PALLD: variants seen among roughly 807,000 people sequenced by gnomAD.
PALLD encodes palladin, cytoskeletal associated protein, also known as palladin.
Under a neutral mutation model 123.5 loss-of-function variants are expected in PALLD, and 61 were observed. The ratio of observed to expected loss-of-function variants is 0.49; its 90% CI spans 0.40 to 0.61. The LOEUF (loss-of-function observed/expected upper bound fraction) is 0.61. PALLD is among the 20% of genes least tolerant of loss of function. PALLD has a pLI of 0.00. For synonymous variants in PALLD, 465 were observed against 496.4 expected (o/e 0.94, Z 0.84); for missense variants, 1,273 against 1,377.0 (o/e 0.92, Z 1.20).
At chr4:168,706,136 A>G (rs983629049) in intron 8 of PALLD, among the ~76,000 whole-genome samples, 2 of 152,160 alleles carry the variant, frequency 1.3e-5, no homozygotes, top group African/African-American at 4.8e-5. Context: ...GAGTGAAACT[A>G]TGCCCACTGA....
intron 10 of PALLD, chr4:168,832,247 C>A: frequency 1.0e-6 from 1 of 956,150 alleles, no homozygotes; most frequent in African/African-American, 1.8e-5. Context: ...GCAGGGTGGG[C>A]CGCGAGTCGG....
chr4:168,556,320 C>T (rs1767299759), intron 2 of PALLD, among the ~76,000 whole-genome samples: 1 of 152,098 alleles, frequency 6.6e-6, no homozygotes. Context: ...TGCTCTCGAT[C>T]TCCTGACCTC....
rs540460793 is a variant in PALLD, at chr4:168,928,028, G to A, written c.*1848G>A. On this transcript the variant is annotated 3_prime_UTR_variant, in exon 22 of 22. Coordinates refer to ENST00000505667, the MANE Select transcript of PALLD (RefSeq NM_001166108.2). ...TATATTTCATATTACTGTTTCACAT[G>A]TACAGCTTTCTACTTCTTTGTAAGA... 16 of 195,476 alleles carry A rather than the reference G, an allele frequency of 8.2e-5. No individual in the cohort carries two copies. The highest frequency in any genetic ancestry group is 5.8e-4 in the South Asian group (3 of 5,174). 12.1% of individuals were successfully genotyped at this position (195,476 alleles called of 1,614,324 possible).
At chr4:168,884,387 G>A (rs974824774) in intron 10 of PALLD, among the ~76,000 whole-genome samples, 1 of 152,244 alleles carries the variant, frequency 6.6e-6, no homozygotes, top group South Asian at 2.1e-4. Context: ...TGCCAGGCTG[G>A]TTCTGGTCAC....
intron 10 of PALLD, among the ~76,000 whole-genome samples, chr4:168,841,873 T>C (rs1474408938): frequency 1.3e-5 from 2 of 152,262 alleles, no homozygotes; most frequent in Admixed American, 1.3e-4. Flanking sequence ...TCAGCATATA[T>C]TTCAGAATTA....
chr4:168,499,845 G>A (rs1254750148), intron 1 of PALLD, among the ~76,000 whole-genome samples: 1 of 152,182 alleles, frequency 6.6e-6, no homozygotes, highest in Non-Finnish European at 1.5e-5. Flanking sequence ...CTTACTGCCT[G>A]TCAATGTTTT....
intron 1 of PALLD, among the ~76,000 whole-genome samples, chr4:168,505,301 G>A (rs749919806): frequency 6.6e-6 from 1 of 152,184 alleles, no homozygotes; most frequent in Non-Finnish European, 1.5e-5. Context: ...CTGTCAGATG[G>A]CGCCTCTTTA....
intron 10 of PALLD, among the ~76,000 whole-genome samples, chr4:168,831,004 C>A (rs1744133202): frequency 6.6e-6 from 1 of 152,200 alleles, no homozygotes; most frequent in Non-Finnish European, 1.5e-5. Context: ...TTCATTCATG[C>A]ATTCATTTTG....
At chr4:168,681,536 C>T (rs1781544843) in intron 4 of PALLD, 138 bp downstream of exon 4, 1 of 447,064 alleles carries the variant, frequency 2.2e-6, no homozygotes, top group Admixed American at 3.4e-5. Flanking sequence ...GAGGTTGGAA[C>T]ACAATTTTTT....
At chr4:168,896,675 T>C in intron 13 of PALLD, 76 bp downstream of exon 13, 1 of 804,752 alleles carries the variant, frequency 1.2e-6, no homozygotes, top group South Asian at 1.6e-5. Context: ...GTTTTACGTG[T>C]GTTTCTATCT....
At chr4:168,590,868 T>G (rs1423822611) in intron 2 of PALLD, among the ~76,000 whole-genome samples, 1 of 23,374 alleles carries the variant, frequency 4.3e-5, no homozygotes, top group African/African-American at 3.2e-4. Flanking sequence ...TAGAAAGTTT[T>G]TTTTTTTTTT....
At chr4:168,664,695 C>T (rs912265635) in intron 2 of PALLD, among the ~76,000 whole-genome samples, 3 of 149,160 alleles carry the variant, frequency 2.0e-5, no homozygotes, top group Non-Finnish European at 2.9e-5. Context: ...CAGTTATTGA[C>T]GTAAGTGCCT....
At chr4:168,721,065 T>C (rs962389820) in intron 10 of PALLD, among the ~76,000 whole-genome samples, 1 of 152,222 alleles carries the variant, frequency 6.6e-6, no homozygotes, top group Non-Finnish European at 1.5e-5. Flanking sequence ...GTCTGAAATA[T>C]AATTGGAAAT....
chr4:168,841,890 T>G (rs894037524), intron 10 of PALLD, among the ~76,000 whole-genome samples: 2 of 152,248 alleles, frequency 1.3e-5, no homozygotes, highest in African/African-American at 2.4e-5. Flanking sequence ...ATTACTCTGA[T>G]AGTGAAAGAT....
At chr4:168,789,330 T>C (rs1561525105) in intron 10 of PALLD, among the ~76,000 whole-genome samples, 1 of 152,174 alleles carries the variant, frequency 6.6e-6, no homozygotes, top group Non-Finnish European at 1.5e-5. Flanking sequence ...AACCAGTGTA[T>C]TTGATTTGTT....
At chr4:168,690,496 TTGTATC>T (rs1782517855) in intron 6 of PALLD, 101 bp from the exon 7 acceptor site, 1 of 1,367,962 alleles carries the variant, frequency 7.3e-7, no homozygotes. Context: ...CATTTTGTGT[TTGTATC>T]TGTTTTGTCT....
intron 2 of PALLD, among the ~76,000 whole-genome samples, chr4:168,624,692 G>A (rs1271330854): frequency 1.3e-5 from 2 of 152,088 alleles, no homozygotes; most frequent in African/African-American, 2.4e-5. Context: ...AGAAATACAA[G>A]AGAATTGGGA....
In PALLD at chr4:168,521,232, C is replaced by A. The variant is rs369703709; in HGVS notation, c.908+8820C>A. On this transcript the variant is annotated intron_variant, in intron 2 of 21. Coordinates refer to ENST00000505667, the MANE Select transcript of PALLD (RefSeq NM_001166108.2). ...TATATAAGAAGCTTCTTCAGATAAT[C>A]CCTTTAGAATTAAAAGGGATTCGTG... 2.6e-5 allele frequency among the ~76,000 whole-genome samples: 4 copies of A among 152,070 alleles called. No homozygotes were observed. In the East Asian group the frequency reaches 7.7e-4, roughly 29 times the overall value.
chr4:168,796,174 C>T lies in PALLD; in HGVS notation c.1964+84251C>T, dbSNP rs149173367. Among the ~76,000 whole-genome samples the T allele has an allele frequency of 1.3e-4, 20 of 152,168 alleles. No homozygotes were observed. In the East Asian group the frequency reaches 3.7e-3, roughly 28 times the overall value. The stretch of plus-strand genomic sequence containing the variant: ...CTTCTATTTTTTTGTACCCATCAAC[C>T]ACCCTCACCTCCCACCTTGCCCCCC... On this transcript the variant is annotated intron_variant, in intron 10 of 21. Transcript: ENST00000505667.
Sources: gnomAD v4.1 joint callset for allele counts (sites outside exome capture counted in the v4.1 genomes callset) on GRCh38, gnomAD v4.1.1 for gene constraint, MANE v1.5 for transcripts, NCBI Gene and HGNC (gene_info 2026-07-23, HGNC 2026-07-21) for gene names.